The following ATXN2 variants were observed in gnomAD, a reference collection of about 807,000 sequenced individuals.
ATXN2 encodes ataxin 2, also known as ataxin-2.
Under a neutral mutation model 138.6 loss-of-function variants are expected in ATXN2, and 37 were observed. The ratio of observed to expected loss-of-function variants is 0.27; its 90% CI spans 0.21 to 0.35. The LOEUF is 0.35. Among genes scored for constraint, ATXN2 ranks in the 10% least tolerant of loss-of-function variants. ATXN2 has a pLI of 1.00. For missense variants in ATXN2, 1,216 were observed against 1,480.3 expected (o/e 0.82, Z 2.93); for synonymous variants, 549 against 543.7 (o/e 1.01, Z -0.13).
chr12:111,460,173 C>T (rs1316379523), intron 21 of ATXN2, among the ~76,000 whole-genome samples: 3 of 152,164 alleles, frequency 2.0e-5, no homozygotes, highest in African/African-American at 7.2e-5. Flanking sequence ...CCTCTGCCTC[C>T]CGGGTTCAAG....
chr12:111,520,993 G>A lies in ATXN2; in HGVS notation c.697-20C>T. 6.8e-7 allele frequency: 1 copy of A among 1,466,540 alleles called. No homozygotes were observed. The highest frequency in any genetic ancestry group is 9.4e-7 in the Non-Finnish European group (1 of 1,061,014). 90.8% of individuals were successfully genotyped at this position (1,466,540 alleles called of 1,614,324 possible). On this transcript the variant is annotated intron_variant, in intron 6 of 24. Transcript: ENST00000673436. The stretch of plus-strand genomic sequence containing the variant: ...ATTAGACTAGAAGAAAATGAAGCTT[G>A]TTTTTCAAAATGTCAAAGTAGTTGT...
chr12:111,488,885 C>A, intron 14 of ATXN2, 105 bp from the exon 15 acceptor site: 1 of 954,542 alleles, frequency 1.0e-6, no homozygotes, highest in Non-Finnish European at 1.5e-6. Flanking sequence ...ATGAAATGTT[C>A]TGAATAAGGC....
At position 111,552,002 on chromosome 12, in the gene ATXN2, C is replaced by T. The variant is rs1402337594; in HGVS notation, c.571+278G>A. 6.6e-6 allele frequency among the ~76,000 whole-genome samples: 1 copy of T among 151,940 alleles called. No homozygotes were observed. Among genetic ancestry groups the T allele is most frequent in the Non-Finnish European group, 1.5e-5 (1 of 67,982 alleles). ...TTCAAGCAATTCTGTCTCAGCCTCC[C>T]TAGTAGCTAGGACTATAGGCGCACG... is the stretch of plus-strand genomic sequence containing the variant. On this transcript the variant is annotated intron_variant, in intron 5 of 24. Transcript: ENST00000673436. This position sits in a 1 kb window ranked among gnomAD's most constrained non-coding sequence, Gnocchi z 4.1.
chr12:111,555,546 G>C (rs1882342703), intron 2 of ATXN2, among the ~76,000 whole-genome samples: 3 of 152,216 alleles, frequency 2.0e-5, no homozygotes, highest in South Asian at 4.2e-4. Context: ...TGTGAAGAAG[G>C]ATGTGTTTGC....
chr12:111,483,188 AACACATACACACACACACACAC>A lies in ATXN2; in HGVS notation c.2524+2055_2524+2076del, dbSNP rs1293112031. Reference sequence around the variant, plus strand: ...AGCAGCAAAGCAAGACCCTGTATCAAACACATACACACACACACACACACACACACACACACACACACACACA... The same window carrying A: ...AGCAGCAAAGCAAGACCCTGTATCAAACACACACACACACACACACACACA... On this transcript the variant is annotated intron_variant, in intron 18 of 24. Coordinates refer to ENST00000673436, the MANE Select transcript of ATXN2 (RefSeq NM_001372574.1). Among the ~76,000 whole-genome samples the A allele has an allele frequency of 5.9e-5, 7 of 119,012 alleles. No homozygotes were observed. In the East Asian group the frequency reaches 9.3e-4, roughly 16 times the overall value. The allele number at this position is 119,012 out of a possible 152,430, so 78.1% of individuals were successfully genotyped here.
chr12:111,508,156 T>TAA (rs780339849), intron 14 of ATXN2, among the ~76,000 whole-genome samples: 9 of 134,722 alleles, frequency 6.7e-5, no homozygotes, highest in African/African-American at 2.1e-4. Context: ...AATGATCAAT[T>TAA]AAAAAAAAAA....
chr12:111,520,310 T>G (rs1326052692), intron 7 of ATXN2, among the ~76,000 whole-genome samples: 1 of 152,224 alleles, frequency 6.6e-6, no homozygotes. Context: ...GGTTAAACTG[T>G]TCACCATAAT....
chr12:111,555,369 T>C (rs1459813518), intron 2 of ATXN2, among the ~76,000 whole-genome samples: 1 of 152,180 alleles, frequency 6.6e-6, no homozygotes, highest in African/African-American at 2.4e-5. Context: ...TTATCTTTAA[T>C]TATAATAATT....
At chr12:111,588,464 A>C (rs1298279020) in intron 1 of ATXN2, among the ~76,000 whole-genome samples, 1 of 151,892 alleles carries the variant, frequency 6.6e-6, no homozygotes, top group Non-Finnish European at 1.5e-5. Context: ...CTCTACTAAA[A>C]TACAAAAATT....
intron 5 of ATXN2, among the ~76,000 whole-genome samples, chr12:111,527,132 C>A (rs1427325613): frequency 6.6e-6 from 1 of 152,204 alleles, no homozygotes; most frequent in Non-Finnish European, 1.5e-5. Flanking sequence ...GAGTTAGACT[C>A]AGCTAAATAA....
rs543652217 is a variant in ATXN2 at position 111,501,321 on chromosome 12, A to G, written c.1935+8228T>C. Among the ~76,000 whole-genome samples, 116 of 152,334 alleles carry G rather than the reference A, an allele frequency of 7.6e-4. 2 individuals are homozygous for G. In the South Asian group the frequency reaches 0.011, roughly 15 times the overall value. On this transcript the variant is annotated intron_variant, in intron 14 of 24. Transcript: ENST00000673436. Reference sequence around the variant, plus strand: ...TTAAGATGGCATCCTCTACAAAAGAAAGAAAACAGGAATGGCTGAAAAAAG... The same window carrying G: ...TTAAGATGGCATCCTCTACAAAAGAGAGAAAACAGGAATGGCTGAAAAAAG...
chr12:111,456,164 G>T lies in ATXN2; in HGVS notation c.3135C>A (p.Pro1045=). 6.2e-7 allele frequency: 1 copy of T among 1,614,272 alleles called. No homozygotes were observed. The highest frequency in any genetic ancestry group is 8.5e-7 in the Non-Finnish European group (1 of 1,180,054). Residue 1045 remains proline (P), a synonymous_variant, in exon 23 of 25, where the codon CCC becomes CCA. Coordinates refer to ENST00000673436, the MANE Select transcript of ATXN2 (RefSeq NM_001372574.1). ...IYHAGLAPTP[P]SMTPASNTQS... is the part of the protein sequence containing the mutation. ...GCGTGTTGGAGGCAGGTGTCATGGA[G>T]GGTGGAGTTGGCGCAAGCCCCGCGT... is the stretch of plus-strand genomic sequence containing the variant.
chr12:111,523,285 T>G (rs1018143086), intron 6 of ATXN2, among the ~76,000 whole-genome samples: 2 of 152,104 alleles, frequency 1.3e-5, no homozygotes, highest in African/African-American at 4.8e-5. Context: ...GTGCTTTTTC[T>G]CTTAATAAAT....
chr12:111,511,992 T>A (rs958481293), intron 11 of ATXN2: 5 of 152,108 alleles, frequency 3.3e-5, no homozygotes, highest in Admixed American at 3.3e-4. Flanking sequence ...TTTTTTGAGA[T>A]AGAGTTTCGC....
At chr12:111,459,039 C>T (rs991978414) in intron 21 of ATXN2, among the ~76,000 whole-genome samples, 3 of 152,196 alleles carry the variant, frequency 2.0e-5, no homozygotes, top group Admixed American at 2.0e-4. Flanking sequence ...CATTAATATT[C>T]CTTCATATCC....
At chr12:111,460,567 C>A (rs529913532) in intron 21 of ATXN2, among the ~76,000 whole-genome samples, 1 of 152,146 alleles carries the variant, frequency 6.6e-6, no homozygotes, top group South Asian at 2.1e-4. Context: ...AGTACGGAAT[C>A]TCAGAGGTTT....
chr12:111,483,382 A>G (rs1283565441), intron 18 of ATXN2, among the ~76,000 whole-genome samples: 3 of 149,028 alleles, frequency 2.0e-5, no homozygotes, highest in Non-Finnish European at 4.4e-5. Flanking sequence ...AACTGATAGC[A>G]GTTAATCACT....
intron 16 of ATXN2, 147 bp from the exon 17 acceptor site, chr12:111,486,012 T>C: frequency 1.5e-6 from 1 of 672,288 alleles, no homozygotes; most frequent in Non-Finnish European, 2.2e-6. Flanking sequence ...ACATAAATTT[T>C]CACATTTCAA....
intron 5 of ATXN2, among the ~76,000 whole-genome samples, chr12:111,531,595 C>G (rs1443012682): frequency 6.7e-6 from 1 of 150,040 alleles, no homozygotes; most frequent in Admixed American, 6.6e-5. Flanking sequence ...TACTACTACA[C>G]CATGTATTAT....
Sources: allele counts gnomAD v4.1 joint callset (sites outside exome capture counted in the v4.1 genomes callset), GRCh38; gene constraint gnomAD v4.1.1; non-coding constraint Gnocchi (gnomAD v3.1); transcripts MANE v1.5; gene names NCBI Gene and HGNC (gene_info 2026-07-23, HGNC 2026-07-21).